PSD3: variants seen among roughly 807,000 people sequenced by gnomAD.
The protein encoded by PSD3 is pleckstrin and Sec7 domain containing 3.
Under a neutral mutation model 105.5 loss-of-function variants are expected in PSD3, and 49 were observed. That is an observed-to-expected ratio of 0.46 (90% CI 0.37 to 0.59). The LOEUF (loss-of-function observed/expected upper bound fraction) is 0.59, where lower values mean the gene tolerates loss of function less well. Ranked by LOEUF, PSD3 falls within the 20% of genes least tolerant of loss-of-function variation. The pLI, the probability that PSD3 is intolerant of heterozygous loss-of-function variation, is 0.00. For synonymous variants in PSD3, 557 were observed against 457.8 expected (o/e 1.22, Z -2.77); for missense variants, 1,561 against 1,263.8 (o/e 1.24, Z -3.57).
rs145383792 is a variant in PSD3, at chr8:19,052,972, T to G, written c.324+31234A>C. 9.0e-3 allele frequency among the ~76,000 whole-genome samples: 1,375 copies of G among 152,200 alleles called. 17 individuals carry two copies. Among genetic ancestry groups the G allele is most frequent in the African/African-American group, 0.03 (1,259 of 41,534 alleles). ...AATGACAAATTCCCCACCTCGAGCCTTCACACTGTGGAAGGTCAGGCAGGA... is the reference window on the plus strand; with the variant it reads ...AATGACAAATTCCCCACCTCGAGCCGTCACACTGTGGAAGGTCAGGCAGGA... On this transcript the variant is annotated intron_variant, in intron 1 of 1. Transcript: ENST00000521475.
Position 18,872,789 on chromosome 8 carries a change from G to T in PSD3, c.131-56C>A. 4.2e-6 allele frequency: 6 copies of T among 1,445,606 alleles called. No homozygotes were observed. The South Asian group carries it at 8.2e-5, about 20-fold the overall frequency. The allele number at this position is 1,445,606 out of a possible 1,614,324, so 89.5% of individuals were successfully genotyped here. A position where few individuals can be genotyped will look rare whatever the true frequency, so the allele number is the denominator to read the frequency against. The stretch of plus-strand genomic sequence containing the variant: ...TGTTGTAGAAAGACAGGGCCCAGTA[G>T]GTAATAATGCATATTCACACAGATT... On this transcript the variant is annotated intron_variant, in intron 2 of 15. Transcript: ENST00000327040.
At position 18,872,209 on chromosome 8, in the gene PSD3, C is replaced by G. The variant is rs748714551; in HGVS notation, c.655G>C (p.Ala219Pro). 6.8e-6 allele frequency: 11 copies of G among 1,614,174 alleles called. No individual in the cohort carries two copies. The highest frequency in any genetic ancestry group is 9.3e-6 in the Non-Finnish European group (11 of 1,180,032). The stretch of plus-strand genomic sequence containing the variant: ...GCCTGAGTGTCTCCAGTTAACAGCG[C>G]GGTGAGATCTTTCTGGATGCTCAAA... Reference protein sequence around the residue: ...FYLSIQKDLTALLTGDTQAEI... With the variant: ...FYLSIQKDLTPLLTGDTQAEI... Residue 219 changes from alanine to proline, a missense_variant, in exon 3 of 16, where the codon GCG (alanine) becomes CCG (proline). Transcript: ENST00000327040.
At chr8:18,621,784 C>T (rs1806127967) in intron 11 of PSD3, among the ~76,000 whole-genome samples, 1 of 152,146 alleles carries the variant, frequency 6.6e-6, no homozygotes, top group Non-Finnish European at 1.5e-5. Flanking sequence ...TTGGCTTTGC[C>T]TGTACTTAAA....
At chr8:18,813,496 A>G (rs1279694278) in intron 4 of PSD3, among the ~76,000 whole-genome samples, 2 of 152,196 alleles carry the variant, frequency 1.3e-5, no homozygotes, top group African/African-American at 2.4e-5. Context: ...AAAGAACACC[A>G]AAGTGCGCCA....
At chr8:18,875,597 C>A (rs978253183) in intron 2 of PSD3, among the ~76,000 whole-genome samples, 1 of 151,472 alleles carries the variant, frequency 6.6e-6, no homozygotes, top group South Asian at 2.1e-4. Context: ...AGTGCAGTGG[C>A]GCGATCTCGG....
intron 10 of PSD3, among the ~76,000 whole-genome samples, chr8:18,638,143 A>G (rs1056580129): frequency 7.1e-6 from 1 of 140,570 alleles, no homozygotes; most frequent in African/African-American, 2.7e-5. Context: ...CGACAGAGCG[A>G]GATTCCATCT....
chr8:18,858,231 G>T (rs28629782), intron 4 of PSD3, among the ~76,000 whole-genome samples: 76,370 of 152,096 alleles, frequency 0.5, 19,915 homozygotes, highest in East Asian at 0.94. Flanking sequence ...TTAGGTTTAC[G>T]CTGTAGTTTC....
intron 1 of PSD3, among the ~76,000 whole-genome samples, chr8:19,007,519 A>G (rs1476386922): frequency 6.6e-6 from 1 of 152,108 alleles, no homozygotes; most frequent in Non-Finnish European, 1.5e-5. Context: ...TAAAAGCTCT[A>G]TTGAACAATG....
chr8:18,952,446 A>T (rs1405528378), intron 1 of PSD3, among the ~76,000 whole-genome samples: 1 of 152,208 alleles, frequency 6.6e-6, no homozygotes, highest in Non-Finnish European at 1.5e-5. Flanking sequence ...AAAGTCAGAG[A>T]TCACCTATAC....
intron 2 of PSD3, among the ~76,000 whole-genome samples, chr8:18,919,123 A>G (rs1359477846): frequency 6.6e-6 from 1 of 152,130 alleles, no homozygotes; most frequent in East Asian, 1.9e-4. Flanking sequence ...TCAGTTTCTT[A>G]GGATATTATG....
chr8:19,043,467 T>C (rs1275176478), intron 1 of PSD3, among the ~76,000 whole-genome samples: 1 of 152,140 alleles, frequency 6.6e-6, no homozygotes, highest in Non-Finnish European at 1.5e-5. Context: ...TAGATTGGGG[T>C]CCAATCTATT....
chr8:18,694,752 G>A (rs985202146), intron 9 of PSD3, among the ~76,000 whole-genome samples: 6 of 151,914 alleles, frequency 3.9e-5, no homozygotes, highest in African/African-American at 1.2e-4. Flanking sequence ...AAGACAGGCG[G>A]ATCACTTGAG....
intron 9 of PSD3, among the ~76,000 whole-genome samples, chr8:18,750,400 C>T (rs1368461318): frequency 1.3e-5 from 2 of 151,844 alleles, no homozygotes; most frequent in South Asian, 4.2e-4. Context: ...TAAGGTAGCG[C>T]GTCTGGAGTT....
At chr8:19,046,331 C>T (rs1438374998) in intron 1 of PSD3, among the ~76,000 whole-genome samples, 1 of 152,064 alleles carries the variant, frequency 6.6e-6, no homozygotes, top group Non-Finnish European at 1.5e-5. Context: ...AGGATAGTCT[C>T]GAACTCCTGA....
chr8:18,601,463 A>C (rs915476918), intron 11 of PSD3, among the ~76,000 whole-genome samples: 1 of 152,152 alleles, frequency 6.6e-6, no homozygotes, highest in Non-Finnish European at 1.5e-5. Context: ...ATTGTCAACC[A>C]AATCCTTTAA....
intron 1 of PSD3, among the ~76,000 whole-genome samples, chr8:18,961,278 A>G (rs1460870786): frequency 1.3e-5 from 2 of 152,244 alleles, no homozygotes; most frequent in Admixed American, 6.5e-5. Flanking sequence ...TTGACAACTC[A>G]ATACTTACGA....
intron 9 of PSD3, among the ~76,000 whole-genome samples, chr8:18,674,177 A>G (rs1799946237): frequency 1.3e-5 from 2 of 151,976 alleles, no homozygotes; most frequent in South Asian, 4.2e-4. Flanking sequence ...GAGGAAGGGT[A>G]TGCGGCTATC....
Position 18,616,784 on chromosome 8 carries a change from C to T in PSD3, c.2410+15829G>A, listed in dbSNP as rs897662078. Among the ~76,000 whole-genome samples the T allele has an allele frequency of 1.2e-4, 18 of 151,246 alleles. 1 individual carries two copies. Among genetic ancestry groups the T allele is most frequent in the East Asian group, 1.9e-4 (1 of 5,132 alleles). Reference sequence around the variant, plus strand: ...GACTACAGGCGCCCGCCACCACGCCCGGCTCATTTTTTGTATTTTTAGTAG... The same window carrying T: ...GACTACAGGCGCCCGCCACCACGCCTGGCTCATTTTTTGTATTTTTAGTAG... On this transcript the variant is annotated intron_variant, in intron 11 of 15. Transcript: ENST00000327040.
At chr8:18,566,998 C>A (rs75642720) in intron 14 of PSD3, among the ~76,000 whole-genome samples, 36 of 152,210 alleles carry the variant, frequency 2.4e-4, no homozygotes, top group African/African-American at 8.4e-4. Context: ...AGTATACAGT[C>A]CCTAAATAGG....
Sources: gnomAD v4.1 joint callset for allele counts (sites outside exome capture counted in the v4.1 genomes callset) on GRCh38, gnomAD v4.1.1 for gene constraint, MANE v1.5 for transcripts, NCBI Gene and HGNC (gene_info 2026-07-23, HGNC 2026-07-21) for gene names.